Variants in NRCAM observed in about 807,000 individuals in gnomAD.
NRCAM encodes neuronal cell adhesion molecule.
Under a neutral mutation model 156.5 loss-of-function variants are expected in NRCAM, and 83 were observed. The ratio of observed to expected loss-of-function variants is 0.53; its 90% CI spans 0.44 to 0.64. NRCAM has a LOEUF of 0.64. Ranked by LOEUF, NRCAM falls within the 30% of genes least tolerant of loss-of-function variation. The pLI is 0.00. For synonymous variants in NRCAM, 538 were observed against 563.9 expected (o/e 0.95, Z 0.65); for missense variants, 1,417 against 1,597.3 (o/e 0.89, Z 1.92).
At chr7:108,382,253 T>A (rs2099704970) in intron 2 of NRCAM, among the ~76,000 whole-genome samples, 1 of 149,014 alleles carries the variant, frequency 6.7e-6, no homozygotes, top group South Asian at 2.1e-4. Flanking sequence ...AGAAAAAAAC[T>A]CTTTAGAAAC....
intron 17 of NRCAM, among the ~76,000 whole-genome samples, chr7:108,192,149 AC>A (rs1587505624): frequency 6.6e-6 from 1 of 152,176 alleles, no homozygotes; most frequent in African/African-American, 2.4e-5. Flanking sequence ...CCTGTTAGGA[AC>A]TGGGCTGCAG....
chr7:108,232,998 T>C (rs2094504840), intron 6 of NRCAM, among the ~76,000 whole-genome samples: 1 of 152,162 alleles, frequency 6.6e-6, no homozygotes, highest in Non-Finnish European at 1.5e-5. Flanking sequence ...AATTGTGAAG[T>C]GTAGGTTGGG....
At chr7:108,197,097 T>C (rs1402451417) in intron 14 of NRCAM, among the ~76,000 whole-genome samples, 1 of 152,128 alleles carries the variant, frequency 6.6e-6, no homozygotes, top group South Asian at 2.1e-4. Flanking sequence ...TTGTGTTAAG[T>C]GCAACAGGCC....
intron 2 of NRCAM, among the ~76,000 whole-genome samples, chr7:108,362,169 T>C (rs974860607): frequency 6.6e-6 from 1 of 152,172 alleles, no homozygotes; most frequent in Non-Finnish European, 1.5e-5. Flanking sequence ...GACTGGAAAG[T>C]CCCAGATCAA....
chr7:108,283,528 A>G (rs2097941047), intron 3 of NRCAM, among the ~76,000 whole-genome samples: 1 of 152,206 alleles, frequency 6.6e-6, no homozygotes, highest in Non-Finnish European at 1.5e-5. Flanking sequence ...CACACGTGGG[A>G]AACAGAATGG....
At chr7:108,275,407 A>G (rs1318569429) in intron 3 of NRCAM, among the ~76,000 whole-genome samples, 2 of 152,194 alleles carry the variant, frequency 1.3e-5, no homozygotes, top group African/African-American at 4.8e-5. Context: ...TATTGCCTCA[A>G]TTTCAGACCT....
chr7:108,441,292 C>T (rs989907403), intron 1 of NRCAM, among the ~76,000 whole-genome samples: 1 of 152,094 alleles, frequency 6.6e-6, no homozygotes, highest in Non-Finnish European at 1.5e-5. Context: ...TAATAATGTA[C>T]ATAATTTTAA....
intron 1 of NRCAM, among the ~76,000 whole-genome samples, chr7:108,443,887 G>GATACATAC (rs1440419210): frequency 6.6e-6 from 1 of 150,688 alleles, no homozygotes; most frequent in East Asian, 1.9e-4. Flanking sequence ...GATATAGATA[G>GATACATAC]ATAGATACAT....
chr7:108,276,501 C>G (rs2097620690), intron 3 of NRCAM, among the ~76,000 whole-genome samples: 1 of 151,586 alleles, frequency 6.6e-6, no homozygotes, highest in Non-Finnish European at 1.5e-5. Flanking sequence ...CCTTCTTTGT[C>G]TCTTTTGATC....
intron 2 of NRCAM, among the ~76,000 whole-genome samples, chr7:108,315,026 C>T (rs1384027840): frequency 6.6e-6 from 1 of 151,692 alleles, no homozygotes; most frequent in African/African-American, 2.4e-5. Context: ...ACAACCCAGT[C>T]AATTCTGTCT....
intron 22 of NRCAM, 50 bp from the exon 23 acceptor site, chr7:108,182,970 A>G (rs1264307080): frequency 4.9e-6 from 7 of 1,433,986 alleles, no homozygotes; most frequent in East Asian, 2.3e-5. Flanking sequence ...TCAACTGCAC[A>G]ATCTTTTACA....
At chr7:108,296,656 G>A (rs550471193) in intron 3 of NRCAM, among the ~76,000 whole-genome samples, 1 of 152,176 alleles carries the variant, frequency 6.6e-6, no homozygotes, top group Non-Finnish European at 1.5e-5. Context: ...ATCAGGTCTT[G>A]AGAATAGATA....
At chr7:108,334,480 C>T (rs2300026) in intron 2 of NRCAM, among the ~76,000 whole-genome samples, 88,574 of 152,038 alleles carry the variant, frequency 0.58, 26,292 homozygotes, top group East Asian at 0.82. Flanking sequence ...AACAGGTCTA[C>T]GGTACCTACC....
intron 2 of NRCAM, among the ~76,000 whole-genome samples, chr7:108,314,322 T>A (rs2098849256): frequency 6.6e-6 from 1 of 152,228 alleles, no homozygotes; most frequent in Non-Finnish European, 1.5e-5. Context: ...CAATGGCCTT[T>A]CATTACCCCA....
intron 5 of NRCAM, among the ~76,000 whole-genome samples, chr7:108,235,821 T>A (rs2153776641): frequency 6.6e-6 from 1 of 152,268 alleles, no homozygotes; most frequent in African/African-American, 2.4e-5. Context: ...AAGACTTATC[T>A]GGTCTCAAAC....
chr7:108,451,831 T>A (rs1850742243), intron 1 of NRCAM, among the ~76,000 whole-genome samples: 1 of 152,082 alleles, frequency 6.6e-6, no homozygotes, highest in South Asian at 2.1e-4. Flanking sequence ...GTGTACAGAG[T>A]TACAATTTGG....
chr7:108,254,458 G>A (rs2096529551), intron 3 of NRCAM, among the ~76,000 whole-genome samples: 1 of 151,982 alleles, frequency 6.6e-6, no homozygotes, highest in South Asian at 2.1e-4. Flanking sequence ...GACTGATGAT[G>A]TCCAGTGTTG....
Position 108,172,899 on chromosome 7 carries a change from T to C in NRCAM, c.3187+2423A>G, listed in dbSNP as rs142259579. Among the ~76,000 whole-genome samples, 355 of 152,314 alleles carry C rather than the reference T, an allele frequency of 2.3e-3. 2 individuals carry two copies. The highest frequency in any genetic ancestry group is 8.0e-3 in the African/African-American group (333 of 41,566). ...GTTTAAAAATGTAAACTCAGATGCATTTCTTTTCCCCTCTTTGACCAGAAA... is the reference window on the plus strand; with the variant it reads ...GTTTAAAAATGTAAACTCAGATGCACTTCTTTTCCCCTCTTTGACCAGAAA... On this transcript the variant is annotated intron_variant, in intron 28 of 32. Transcript: ENST00000379028.
chr7:108,239,682 A>T (rs982425570), intron 4 of NRCAM, among the ~76,000 whole-genome samples: 3 of 152,184 alleles, frequency 2.0e-5, no homozygotes, highest in African/African-American at 7.2e-5. Context: ...GCACAACTCA[A>T]TCCTTCTCAG....
Sources: gnomAD v4.1 joint callset for allele counts (sites outside exome capture counted in the v4.1 genomes callset) on GRCh38, gnomAD v4.1.1 for gene constraint, MANE v1.5 for transcripts, NCBI Gene and HGNC (gene_info 2026-07-23, HGNC 2026-07-21) for gene names.